Variants in GNG5 observed in about 807,000 individuals in gnomAD.
The protein encoded by GNG5 is G protein subunit gamma 5.
GNG5 carries 2 observed loss-of-function variants against 6.2 expected under a neutral mutation model. The observed-to-expected ratio is 0.32, with a 90% CI of 0.13 to 1.01. GNG5 has a LOEUF of 1.01. Ranked by LOEUF, GNG5 falls within the 50% of genes least tolerant of loss-of-function variation. GNG5 has a pLI of 0.48. For synonymous variants in GNG5, 24 were observed against 33.0 expected (o/e 0.73, Z 0.93); for missense variants, 57 against 80.2 (o/e 0.71, Z 1.10).
intron 3 of GNG5, among the ~76,000 whole-genome samples, chr1:84,500,040 C>T (rs867521223): frequency 1.3e-5 from 2 of 152,026 alleles, no homozygotes; most frequent in African/African-American, 2.4e-5. Flanking sequence ...TGCAGTGAGC[C>T]GAGACTGCGC....
At chr1:84,505,359 G>A (rs1451336457) in intron 2 of GNG5, among the ~76,000 whole-genome samples, 1 of 152,138 alleles carries the variant, frequency 6.6e-6, no homozygotes, top group Non-Finnish European at 1.5e-5. Context: ...GGTCAAATAT[G>A]AGCAAACTGT....
chr1:84,506,389 T>G, intron 1 of GNG5, 47 bp downstream of exon 1: 1 of 263,942 alleles, frequency 3.8e-6, no homozygotes, highest in Non-Finnish European at 7.3e-6. Flanking sequence ...AAGTTTTCTT[T>G]TCCTCTCCAG....
At chr1:84,500,110 A>G (rs1227315108) in intron 3 of GNG5, among the ~76,000 whole-genome samples, 2 of 152,228 alleles carry the variant, frequency 1.3e-5, no homozygotes, top group Non-Finnish European at 2.9e-5. Context: ...GATTCTTTAC[A>G]TTCATGCCAC....
In GNG5 at chr1:84,506,554, G is replaced by A. The variant is rs1270781701; in HGVS notation, c.-329C>T. ...CCAGGAGGTCTCAGTTTTCCTCCCA[G>A]TTTGTGGGAAGGGTTGAGGGAAGTG... On this transcript the variant is annotated 5_prime_UTR_variant, in exon 1 of 4. Transcript: ENST00000370645. The A allele has an allele frequency of 6.5e-6, 1 of 154,294 alleles. No individual in the cohort carries two copies. Among genetic ancestry groups the A allele is most frequent in the Non-Finnish European group, 1.4e-5 (1 of 69,258 alleles). The allele number at this position is 154,294 out of a possible 1,614,324, so 9.6% of individuals were successfully genotyped here. A position where few individuals can be genotyped will look rare whatever the true frequency, so the allele number is the denominator to read the frequency against.
In GNG5 at chr1:84,505,928, C is replaced by T; in HGVS notation, c.81+83G>A. ...GGGGAAGCGAGGGCCGGCGCGTGTC[C>T]CGCCCGCCCCCGCCAGCTGGGCCGC... On this transcript the variant is annotated intron_variant, in intron 2 of 3. Transcript: ENST00000370645. 7.1e-6 allele frequency: 7 copies of T among 981,492 alleles called. No homozygotes were observed. In the South Asian group the frequency reaches 1.0e-4, roughly 14 times the overall value. The allele number at this position is 981,492 out of a possible 1,614,324, so 60.8% of individuals were successfully genotyped here. A position where few individuals can be genotyped will look rare whatever the true frequency, so the allele number is the denominator to read the frequency against.
intron 3 of GNG5, among the ~76,000 whole-genome samples, chr1:84,500,893 C>G (rs1269809648): frequency 6.6e-6 from 1 of 151,996 alleles, no homozygotes; most frequent in Non-Finnish European, 1.5e-5. Flanking sequence ...GGGGTGTGTG[C>G]CATATACAAA....
In GNG5 at chr1:84,501,921, T is replaced by G. The variant is rs1263575403; in HGVS notation, c.131A>C (p.Gln44Pro). ...TACTCCAGTCAGCAGAGGGTCATGT[T>G]GAGCATTCTGCAGACAGAACTGTTT... ...DLKQFCLQNA[Q>P]HDPLLTGVSS... is the part of the protein sequence containing the mutation. The change falls in exon 3 of 4, where the codon CAA becomes CCA. Residue 44 changes from glutamine to proline, a missense_variant. Physicochemically the swap from Gln to Pro is moderately conservative, Grantham distance 76 (BLOSUM62 -1). Coordinates refer to ENST00000370645, the MANE Select transcript of GNG5 (RefSeq NM_005274.3). 1 of 1,606,606 alleles carries G rather than the reference T, an allele frequency of 6.2e-7. No individual in the cohort carries two copies. Among genetic ancestry groups the G allele is most frequent in the East Asian group, 2.2e-5 (1 of 44,822 alleles).
chr1:84,499,829 T>C (rs1682018550), intron 3 of GNG5, among the ~76,000 whole-genome samples: 1 of 152,114 alleles, frequency 6.6e-6, no homozygotes, highest in Admixed American at 6.5e-5. Context: ...TAAAAGGAAA[T>C]ACAGGGCCGG....
intron 3 of GNG5, among the ~76,000 whole-genome samples, chr1:84,498,926 C>G (rs1681996913): frequency 6.6e-6 from 1 of 151,908 alleles, no homozygotes; most frequent in Non-Finnish European, 1.5e-5. Context: ...CTAGATAAAC[C>G]CAGACATAGA....
intron 2 of GNG5, among the ~76,000 whole-genome samples, chr1:84,503,362 G>A (rs1463672500): frequency 1.3e-5 from 2 of 152,190 alleles, no homozygotes; most frequent in Non-Finnish European, 2.9e-5. Flanking sequence ...GCAGATTACA[G>A]CTGTACCTCC....
chr1:84,506,365 G>A (rs1351950450), intron 1 of GNG5, 64 bp from the exon 2 acceptor site: 4 of 334,404 alleles, frequency 1.2e-5, no homozygotes, highest in Non-Finnish European at 1.7e-5. Context: ...GGAGGCTAGC[G>A]CGACCCGACT....
Position 84,504,950 on chromosome 1 carries a change from C to T in GNG5, c.81+1061G>A, listed in dbSNP as rs556828024. 5.3e-5 allele frequency among the ~76,000 whole-genome samples: 8 copies of T among 152,334 alleles called. No individual in the cohort carries two copies. The East Asian group carries it at 1.5e-3, about 29-fold the overall frequency. ...AACTGAGTAAGCTAGGTCTCTGACA[C>T]TTCTAGTTAAGAAAGCTTAGAGACC... On this transcript the variant is annotated intron_variant, in intron 2 of 3. Coordinates refer to ENST00000370645, the MANE Select transcript of GNG5 (RefSeq NM_005274.3).
At chr1:84,499,982 C>G (rs1456918835) in intron 3 of GNG5, among the ~76,000 whole-genome samples, 1 of 152,288 alleles carries the variant, frequency 6.6e-6, no homozygotes, top group East Asian at 1.9e-4. Flanking sequence ...GTAATCCCAG[C>G]TACTCAGGAA....
In GNG5 at chr1:84,505,230, A is replaced by G. The variant is rs577580422; in HGVS notation, c.81+781T>C. Among the ~76,000 whole-genome samples the G allele has an allele frequency of 9.8e-5, 15 of 152,366 alleles. 1 individual carries two copies. In the South Asian group the frequency reaches 3.1e-3, roughly 32 times the overall value. On this transcript the variant is annotated intron_variant, in intron 2 of 3. Transcript: ENST00000370645. ...AAGTTATTCTATCAACACAGACAAA[A>G]GGCTTTTTCTCCCAAAGTACCCCAA...
chr1:84,502,065 C>A, intron 2 of GNG5, 95 bp from the exon 3 acceptor site: 1 of 802,682 alleles, frequency 1.2e-6, no homozygotes, highest in Non-Finnish European at 2.0e-6. Flanking sequence ...TACAATAAAA[C>A]AGTACTTCTC....
rs767365577 is a variant in GNG5 at position 84,506,015 on chromosome 1, A to G, written c.77T>C (p.Val26Ala). 2.6e-6 allele frequency: 4 copies of G among 1,554,108 alleles called. No homozygotes were observed. Among genetic ancestry groups the G allele is most frequent in the Admixed American group, 1.9e-5 (1 of 52,070 alleles). Residue 26 changes from valine (V) to alanine (A), a missense_variant, in exon 2 of 4, where the codon GTA becomes GCA. By Grantham distance (64) the Val-to-Ala change is moderately conservative (BLOSUM62 0). Coordinates refer to ENST00000370645, the MANE Select transcript of GNG5 (RefSeq NM_005274.3). The part of the protein sequence containing the change: ...QLRLEAGLNR[V>A]KVSQAAADLK... ...CGGCCGCCCGCCCCCGCTCACTTTTACGCGGTTGAGTCCGGCCTCCAGCCG... is the reference window on the plus strand; with the variant it reads ...CGGCCGCCCGCCCCCGCTCACTTTTGCGCGGTTGAGTCCGGCCTCCAGCCG...
In GNG5 at chr1:84,506,221, G is replaced by T; in HGVS notation, c.-130C>A. The T allele has an allele frequency of 1.6e-6, 1 of 629,370 alleles. No individual in the cohort carries two copies. Among genetic ancestry groups the T allele is most frequent in the Non-Finnish European group, 2.5e-6 (1 of 403,628 alleles). The allele number at this position is 629,370 out of a possible 1,614,324, so 39.0% of individuals were successfully genotyped here. ...TTTGTCTCTAAGTTTCCGGTTCTGT[G>T]CTCAGCGGCTCCACCCTCGGTGCGC... On this transcript the variant is annotated 5_prime_UTR_variant, in exon 2 of 4. Coordinates refer to ENST00000370645, the MANE Select transcript of GNG5 (RefSeq NM_005274.3).
Position 84,506,555 on chromosome 1 carries a change from T to A in GNG5, c.-330A>T, listed in dbSNP as rs1682254900. 1 of 154,018 alleles carries A rather than the reference T, an allele frequency of 6.5e-6. No homozygotes were observed. Among genetic ancestry groups the A allele is most frequent in the African/African-American group, 2.4e-5 (1 of 41,406 alleles). 9.5% of individuals were successfully genotyped at this position (154,018 alleles called of 1,614,324 possible). A position where few individuals can be genotyped will look rare whatever the true frequency, so the allele number is the denominator to read the frequency against. The stretch of plus-strand genomic sequence containing the variant: ...CAGGAGGTCTCAGTTTTCCTCCCAG[T>A]TTGTGGGAAGGGTTGAGGGAAGTGA... On this transcript the variant is annotated 5_prime_UTR_variant, in exon 1 of 4. Transcript: ENST00000370645.
In GNG5 at chr1:84,506,141, T is replaced by C; in HGVS notation, c.-50A>G. On this transcript the variant is annotated 5_prime_UTR_variant, in exon 2 of 4. Coordinates refer to ENST00000370645, the MANE Select transcript of GNG5 (RefSeq NM_005274.3). ...TCGTGGGTCGGTGGGTCGTGGGCCG[T>C]GGGTCGGCGGGGCCAGACAACTCAG... 2.7e-6 allele frequency: 4 copies of C among 1,505,326 alleles called. No individual in the cohort carries two copies. The highest frequency in any genetic ancestry group is 1.4e-5 in the African/African-American group (1 of 69,548). 93.2% of individuals were successfully genotyped at this position (1,505,326 alleles called of 1,614,324 possible).
Sources: allele counts gnomAD v4.1 joint callset (sites outside exome capture counted in the v4.1 genomes callset), GRCh38; gene constraint gnomAD v4.1.1; transcripts MANE v1.5; gene names NCBI Gene and HGNC (gene_info 2026-07-23, HGNC 2026-07-21).